The following TEC variants were observed in gnomAD, a reference collection of about 807,000 sequenced individuals.
TEC encodes the protein tyrosine-protein kinase Tec.
TEC carries 72 observed loss-of-function variants against 93.0 expected under a neutral mutation model. That is an observed-to-expected ratio of 0.77 (90% CI 0.64 to 0.94). TEC has a LOEUF of 0.94. Ranked by LOEUF, TEC falls within the 40% of genes least tolerant of loss-of-function variation. TEC has a pLI of 0.00. For synonymous variants in TEC, 249 were observed against 247.7 expected (o/e 1.01, Z -0.05); for missense variants, 630 against 757.9 (o/e 0.83, Z 1.98).
intron 2 of TEC, among the ~76,000 whole-genome samples, chr4:48,211,409 C>CA (rs974014773): frequency 2.7e-4 from 25 of 91,914 alleles, no homozygotes; most frequent in South Asian, 5.8e-4. Context: ...CTCTGAGGTT[C>CA]AAAAAAAATT....
At chr4:48,242,724 T>C (rs1435112852) in intron 1 of TEC, among the ~76,000 whole-genome samples, 2 of 152,242 alleles carry the variant, frequency 1.3e-5, no homozygotes, top group African/African-American at 4.8e-5. Flanking sequence ...AGCTCAGAGA[T>C]ACTATCTCCA....
At chr4:48,201,691 A>C (rs113948848) in intron 2 of TEC, among the ~76,000 whole-genome samples, 39 of 152,342 alleles carry the variant, frequency 2.6e-4, no homozygotes, top group African/African-American at 5.3e-4. Flanking sequence ...AGCATGACAG[A>C]CAGCCAGAAG....
intron 12 of TEC, among the ~76,000 whole-genome samples, chr4:48,146,055 T>C (rs1318029874): frequency 1.3e-5 from 2 of 152,202 alleles, no homozygotes; most frequent in African/African-American, 2.4e-5. Context: ...ATAAAGCTAG[T>C]GAGAACCAGG....
intron 2 of TEC, among the ~76,000 whole-genome samples, chr4:48,198,204 G>A (rs978546618): frequency 6.6e-6 from 1 of 152,238 alleles, no homozygotes; most frequent in African/African-American, 2.4e-5. Context: ...AGGGATCCTG[G>A]GGGGAATATC....
intron 9 of TEC, 30 bp downstream of exon 9, chr4:48,156,650 T>A (rs774816088): frequency 6.3e-7 from 1 of 1,594,702 alleles, no homozygotes; most frequent in South Asian, 1.1e-5. Flanking sequence ...AATTTGCCCT[T>A]AAGCCAAACC....
rs1720935704 is a variant in TEC at position 48,167,874 on chromosome 4, GCTT to G, written c.572_574del (p.Gln191_Ala192delinsPro). On this transcript the variant is annotated inframe_deletion, in exon 7 of 18. Transcript: ENST00000381501. ...TAATCTGAGATCATGTCCTTCTGCTGCTTGGAAATCATACATGGCTACAACGAT... is the reference window on the plus strand; with the variant it reads ...TAATCTGAGATCATGTCCTTCTGCTGGGAAATCATACATGGCTACAACGAT... 1 of 1,613,696 alleles carries G rather than the reference GCTT, an allele frequency of 6.2e-7. No individual in the cohort carries two copies. Among genetic ancestry groups the G allele is most frequent in the South Asian group, 1.1e-5 (1 of 91,070 alleles).
At chr4:48,176,952 A>T (rs1234324012) in intron 2 of TEC, among the ~76,000 whole-genome samples, 1 of 152,204 alleles carries the variant, frequency 6.6e-6, no homozygotes, top group Non-Finnish European at 1.5e-5. Context: ...AGCACACAGA[A>T]TTGAGAGTTA....
At chr4:48,194,786 A>C (rs1013760054) in intron 2 of TEC, among the ~76,000 whole-genome samples, 1 of 152,194 alleles carries the variant, frequency 6.6e-6, no homozygotes, top group Non-Finnish European at 1.5e-5. Context: ...TAAAATACTC[A>C]AAGAGAAATA....
chr4:48,206,956 CTCAAAA>C (rs1284817002), intron 2 of TEC, among the ~76,000 whole-genome samples: 2 of 151,940 alleles, frequency 1.3e-5, no homozygotes, highest in Non-Finnish European at 2.9e-5. Flanking sequence ...GGAACTAAGT[CTCAAAA>C]ACAAAAACAA....
intron 1 of TEC, among the ~76,000 whole-genome samples, chr4:48,262,900 A>T (rs1161807474): frequency 6.6e-6 from 1 of 152,200 alleles, no homozygotes; most frequent in Non-Finnish European, 1.5e-5. Context: ...AGCTGCCATC[A>T]TGGGAAGATC....
At chr4:48,242,569 T>C (rs1236216948) in intron 1 of TEC, among the ~76,000 whole-genome samples, 2 of 152,220 alleles carry the variant, frequency 1.3e-5, no homozygotes, top group East Asian at 1.9e-4. Context: ...GGAGGGACCA[T>C]TGTATATTCA....
rs1475912298 is a variant in TEC at position 48,265,515 on chromosome 4, A to T, written c.-46+4237T>A. ...TATGTGTGTATATATATATATATAT[A>T]TTTTTTTTTTTTTTTGAGACAAAGT... On this transcript the variant is annotated intron_variant, in intron 1 of 17. Coordinates refer to ENST00000381501, the MANE Select transcript of TEC (RefSeq NM_003215.3). Among the ~76,000 whole-genome samples, 224 of 129,164 alleles carry T rather than the reference A, an allele frequency of 1.7e-3. 1 individual carries two copies. Among genetic ancestry groups the T allele is most frequent in the African/African-American group, 6.0e-3 (213 of 35,442 alleles). The allele number at this position is 129,164 out of a possible 152,430, so 84.7% of individuals were successfully genotyped here. A position where few individuals can be genotyped will look rare whatever the true frequency, so the allele number is the denominator to read the frequency against.
At chr4:48,176,845 G>A (rs1214180512) in intron 2 of TEC, among the ~76,000 whole-genome samples, 1 of 152,100 alleles carries the variant, frequency 6.6e-6, no homozygotes, top group East Asian at 1.9e-4. Context: ...AAGCGTCAAA[G>A]ACCAAGCCAA....
intron 14 of TEC, 182 bp from the exon 15 acceptor site, chr4:48,141,601 T>G (rs1719669339): frequency 1.9e-6 from 1 of 530,052 alleles, no homozygotes; most frequent in East Asian, 3.1e-5. Flanking sequence ...TTGAAAAAAA[T>G]GAATAGGCAG....
chr4:48,168,605 G>A lies in TEC; in HGVS notation c.476C>T (p.Pro159Leu). 1.2e-6 allele frequency: 2 copies of A among 1,606,956 alleles called. No homozygotes were observed. Among genetic ancestry groups the A allele is most frequent in the South Asian group, 1.1e-5 (1 of 89,026 alleles). Reference protein sequence around the residue: ...FESSIRKALPPAPETKKRRPP... With the variant: ...FESSIRKALPLAPETKKRRPP... Reference sequence around the variant, plus strand: ...ACCTACCTTCTTTGTTTCTGGTGCTGGAGGTAGTGCTTTTCTTATACCTGA... The same window carrying A: ...ACCTACCTTCTTTGTTTCTGGTGCTAGAGGTAGTGCTTTTCTTATACCTGA... Residue 159 changes from proline (P) to leucine (L), a missense_variant, in exon 6 of 18, where the codon CCA becomes CTA. Coordinates refer to ENST00000381501, the MANE Select transcript of TEC (RefSeq NM_003215.3).
chr4:48,138,861 T>C (rs1479237238), intron 16 of TEC, 39 bp from the exon 17 acceptor site: 1 of 1,613,746 alleles, frequency 6.2e-7, no homozygotes, highest in Non-Finnish European at 8.5e-7. Flanking sequence ...ATGTATCCAC[T>C]TTCTCCTCAG....
chr4:48,156,874 A>G, intron 8 of TEC, 140 bp from the exon 9 acceptor site: 2 of 644,334 alleles, frequency 3.1e-6, no homozygotes, highest in Non-Finnish European at 4.9e-6. Context: ...TTTCAATAAT[A>G]GACAACTAAT....
chr4:48,136,154 G>A lies in TEC; in HGVS notation c.*1262C>T, dbSNP rs41310793. On this transcript the variant is annotated 3_prime_UTR_variant, in exon 18 of 18. Transcript: ENST00000381501. ...TGACCGAGATAGTTTCTTTTCCTTG[G>A]CGCTCACAAGGCAAAAAGGAAGGCC... The A allele has an allele frequency of 6.6e-6, 1 of 152,206 alleles. No individual in the cohort carries two copies. Among genetic ancestry groups the A allele is most frequent in the Non-Finnish European group, 1.5e-5 (1 of 68,070 alleles). 9.4% of individuals were successfully genotyped at this position (152,206 alleles called of 1,614,324 possible).
intron 2 of TEC, among the ~76,000 whole-genome samples, chr4:48,224,068 A>C (rs930879770): frequency 3.9e-5 from 6 of 152,138 alleles, no homozygotes; most frequent in African/African-American, 1.4e-4. Flanking sequence ...CGCTGTAATA[A>C]ATCTAGTTGT....
Sources: allele counts gnomAD v4.1 joint callset (sites outside exome capture counted in the v4.1 genomes callset), GRCh38; gene constraint gnomAD v4.1.1; transcripts MANE v1.5; gene names NCBI Gene and HGNC (gene_info 2026-07-23, HGNC 2026-07-21).